Variants in ENO1 observed in about 807,000 individuals in gnomAD.
ENO1 encodes the protein enolase 1, also known as alpha-enolase.
A neutral mutation model predicts 46.3 loss-of-function variants in ENO1; 33 were observed. The observed-to-expected ratio is 0.71, with a 90% CI of 0.54 to 0.95. The LOEUF is 0.95. Ranked by LOEUF, ENO1 falls within the 40% of genes least tolerant of loss-of-function variation. ENO1 has a pLI of 0.00. For synonymous variants in ENO1, 220 were observed against 216.0 expected (o/e 1.02, Z -0.16); for missense variants, 488 against 553.3 (o/e 0.88, Z 1.18).
chr1:8,871,743 C>T, intron 3 of ENO1, 148 bp downstream of exon 3: 2 of 1,248,840 alleles, frequency 1.6e-6, no homozygotes, highest in South Asian at 1.5e-5. Context: ...CAAGGTGGTG[C>T]ACTGCTTCCA....
intron 5 of ENO1, among the ~76,000 whole-genome samples, chr1:8,867,729 A>C (rs1642552215): frequency 6.6e-6 from 1 of 152,000 alleles, no homozygotes; most frequent in African/African-American, 2.4e-5. Context: ...ACGGGGTTTC[A>C]CCACGTTGGC....
Position 8,861,297 on chromosome 1 carries a change from G to A in ENO1, c.*63C>T. 6.4e-7 allele frequency: 1 copy of A among 1,573,260 alleles called. No individual in the cohort carries two copies. The highest frequency in any genetic ancestry group is 1.7e-5 in the Admixed American group (1 of 59,736). ...TGGTCGGGGGCCTCGAGCTGCCTGA[G>A]CTGACACGAGGGGAGGGGTCTGTGT... On this transcript the variant is annotated 3_prime_UTR_variant, in exon 12 of 12. Transcript: ENST00000234590.
chr1:8,866,010 G>C, intron 7 of ENO1: 1 of 400,318 alleles, frequency 2.5e-6, no homozygotes, highest in Non-Finnish European at 4.5e-6. Flanking sequence ...GAGCCCAGGA[G>C]GCGGAAGTTG....
At chr1:8,862,340 G>A (rs1226786328) in intron 11 of ENO1, among the ~76,000 whole-genome samples, 6 of 151,596 alleles carry the variant, frequency 4.0e-5, no homozygotes, top group Non-Finnish European at 7.4e-5. Flanking sequence ...CCAGGATACA[G>A]TTTGAATGAA....
rs1413539933 is a variant in ENO1 at position 8,878,623 on chromosome 1, C to T, written c.-53G>A. On this transcript the variant is annotated 5_prime_UTR_variant, in exon 1 of 12. Coordinates refer to ENST00000234590, the MANE Select transcript of ENO1 (RefSeq NM_001428.5). ...CGCCTAGGAGAGGAAGCGGAGGGTG[C>T]TGCAGACACCGAGGTGAACGTAAAG... The T allele has an allele frequency of 4.4e-6, 2 of 455,984 alleles. No homozygotes were observed. The highest frequency in any genetic ancestry group is 1.4e-4 in the East Asian group (2 of 14,404). The allele number at this position is 455,984 out of a possible 1,614,324, so 28.2% of individuals were successfully genotyped here.
chr1:8,872,912 A>G (rs902554762), intron 2 of ENO1, among the ~76,000 whole-genome samples: 4 of 152,266 alleles, frequency 2.6e-5, no homozygotes, highest in African/African-American at 7.2e-5. Context: ...TACTGAAACC[A>G]GCCATCTGGT....
intron 3 of ENO1, chr1:8,871,470 G>A (rs909958998): frequency 7.9e-6 from 8 of 1,008,604 alleles, no homozygotes; most frequent in East Asian, 1.0e-4. Flanking sequence ...TTCAGGGCAG[G>A]TCATTGGTTA....
At chr1:8,877,935 C>T (rs1213210749) in intron 1 of ENO1, 1 of 152,206 alleles carries the variant, frequency 6.6e-6, no homozygotes, top group African/African-American at 2.4e-5. Flanking sequence ...GCCGGGGAGC[C>T]GCTCTTGCCC....
At chr1:8,872,422 C>T (rs184668163) in intron 2 of ENO1, among the ~76,000 whole-genome samples, 1 of 151,766 alleles carries the variant, frequency 6.6e-6, no homozygotes, top group Admixed American at 6.6e-5. Context: ...CTCGCTCTAT[C>T]CCCCAGGCTA....
chr1:8,861,928 A>AT (rs1299211516), intron 11 of ENO1, among the ~76,000 whole-genome samples: 3 of 150,926 alleles, frequency 2.0e-5, no homozygotes, highest in African/African-American at 7.3e-5. Flanking sequence ...GGCCAGGCAC[A>AT]GTGGGAGGAT....
At chr1:8,868,163 A>G (rs1642562916) in intron 4 of ENO1, 106 bp from the exon 5 acceptor site, 1 of 831,964 alleles carries the variant, frequency 1.2e-6, no homozygotes, top group South Asian at 1.7e-5. Flanking sequence ...ATCAAAATCA[A>G]TTCTGTGATG....
intron 9 of ENO1, among the ~76,000 whole-genome samples, chr1:8,863,591 G>A (rs1192819289): frequency 6.6e-6 from 1 of 152,230 alleles, no homozygotes; most frequent in African/African-American, 2.4e-5. Context: ...CTTGATGGGA[G>A]AAAGATTAGT....
rs1642444263 is a variant in ENO1 at position 8,863,336 on chromosome 1, G to C, written c.1075C>G (p.Leu359Val). Residue 359 changes from leucine to valine, a missense_variant, in exon 10 of 12, where the codon CTG becomes GTG. Leu to Val is a conservative substitution (Grantham distance 32). Transcript: ENST00000234590. ...ACGCCCCAACCATTGGCCTGGGCCA[G>C]CTTGCACCTGGAAGCCAAGGAACAA... ...SVTESLQACK[L>V]AQANGWGVMV... The C allele has an allele frequency of 6.2e-7, 1 of 1,612,508 alleles. No homozygotes were observed.
rs144808371 is a variant in ENO1, at chr1:8,872,890, T to G, written c.86-904A>C. ...TAATAAATGTAAGAACTGAACCAAG[T>G]AATCTTGCAGATACTGAAACCAGCC... On this transcript the variant is annotated intron_variant, in intron 2 of 11. Coordinates refer to ENST00000234590, the MANE Select transcript of ENO1 (RefSeq NM_001428.5). Among the ~76,000 whole-genome samples, 1,476 of 152,330 alleles carry G rather than the reference T, an allele frequency of 9.7e-3. 26 individuals are homozygous for G. Among genetic ancestry groups the G allele is most frequent in the African/African-American group, 0.034 (1,402 of 41,560 alleles).
At chr1:8,862,041 G>C (rs371958786) in intron 11 of ENO1, among the ~76,000 whole-genome samples, 1 of 152,066 alleles carries the variant, frequency 6.6e-6, no homozygotes, top group Non-Finnish European at 1.5e-5. Flanking sequence ...CCAGCTACTC[G>C]GGAGGCTCAG....
chr1:8,876,971 G>A (rs1019591742), intron 1 of ENO1, among the ~76,000 whole-genome samples: 1 of 150,684 alleles, frequency 6.6e-6, no homozygotes, highest in African/African-American at 2.4e-5. Flanking sequence ...GATTACAGGC[G>A]CCTGCCATTA....
chr1:8,870,314 T>G, intron 4 of ENO1, 138 bp downstream of exon 4: 2 of 1,096,162 alleles, frequency 1.8e-6, no homozygotes, highest in Non-Finnish European at 2.6e-6. Context: ...CATGCATGGA[T>G]TGTTCTCGTG....
At chr1:8,875,654 A>G (rs973348744) in intron 1 of ENO1, 8 of 152,258 alleles carry the variant, frequency 5.3e-5, no homozygotes, top group African/African-American at 1.9e-4. Flanking sequence ...TGAGTTTGGA[A>G]GTCAGGAACA....
chr1:8,867,263 A>G lies in ENO1; in HGVS notation c.311-13T>C, dbSNP rs765668364. 4 of 1,613,448 alleles carry G rather than the reference A, an allele frequency of 2.5e-6. No individual in the cohort carries two copies. In the African/African-American group the frequency reaches 5.3e-5, roughly 22 times the overall value. ...GCACCAAACTTAGCTAGAACAGAAG[A>G]GAACCGAGTGGAATGAAGTCATTTC... On this transcript the variant is annotated splice_polypyrimidine_tract_variant and intron_variant, in intron 5 of 11. Transcript: ENST00000234590.
Sources: gnomAD v4.1 joint callset for allele counts (sites outside exome capture counted in the v4.1 genomes callset) on GRCh38, gnomAD v4.1.1 for gene constraint, MANE v1.5 for transcripts, NCBI Gene and HGNC (gene_info 2026-07-23, HGNC 2026-07-21) for gene names.